Variants in DPYD observed in about 807,000 individuals in gnomAD.
DPYD encodes the protein dihydropyrimidine dehydrogenase, also known as dihydropyrimidine dehydrogenase [NADP(+)].
A neutral mutation model predicts 116.2 loss-of-function variants in DPYD; 109 were observed. The observed-to-expected ratio is 0.94, with a 90% CI of 0.80 to 1.10. The LOEUF is 1.10. Among genes scored for constraint, DPYD ranks in the 50% least tolerant of loss-of-function variants. The pLI is 0.00. For missense variants in DPYD, 1,302 were observed against 1,254.5 expected (o/e 1.04, Z -0.57); for synonymous variants, 440 against 432.0 (o/e 1.02, Z -0.23).
At chr1:97,717,273 A>G (rs967731058) in intron 5 of DPYD, among the ~76,000 whole-genome samples, 9 of 152,102 alleles carry the variant, frequency 5.9e-5, no homozygotes, top group Non-Finnish European at 1.2e-4. Flanking sequence ...ATGAGAGGTG[A>G]TAGTTTAGAA....
intron 14 of DPYD, among the ~76,000 whole-genome samples, chr1:97,421,005 G>T (rs573611664): frequency 2.0e-5 from 3 of 152,238 alleles, no homozygotes; most frequent in African/African-American, 7.2e-5. Context: ...GACAGCAGGG[G>T]TTTGTTCCTT....
chr1:97,359,673 G>T (rs1280332577), intron 16 of DPYD, among the ~76,000 whole-genome samples: 5 of 152,174 alleles, frequency 3.3e-5, no homozygotes, highest in African/African-American at 7.2e-5. Context: ...TTAAAGAAAA[G>T]AATTTTCAAC....
chr1:97,655,152 T>C (rs1658832489), intron 8 of DPYD, among the ~76,000 whole-genome samples: 1 of 152,140 alleles, frequency 6.6e-6, no homozygotes, highest in Admixed American at 6.5e-5. Flanking sequence ...CTAACTGTTG[T>C]GACCTACTTG....
intron 16 of DPYD, among the ~76,000 whole-genome samples, chr1:97,314,823 T>G (rs560059117): frequency 1.1e-4 from 17 of 151,958 alleles, no homozygotes; most frequent in African/African-American, 2.4e-5. Flanking sequence ...GTTTGAGAGG[T>G]ACCTGCCCAA....
intron 2 of DPYD, among the ~76,000 whole-genome samples, chr1:97,882,661 GT>G (rs1219789239): frequency 6.6e-6 from 1 of 151,992 alleles, no homozygotes; most frequent in East Asian, 1.9e-4. Context: ...TATGGTGTCA[GT>G]TTCAGCTCTA....
chr1:97,440,494 T>C (rs1675719105), intron 14 of DPYD, among the ~76,000 whole-genome samples: 2 of 152,146 alleles, frequency 1.3e-5, no homozygotes, highest in African/African-American at 2.4e-5. Flanking sequence ...TTTTTGGCTA[T>C]AACTCTTTGA....
At chr1:97,304,929 G>A (rs1315212931) in intron 18 of DPYD, among the ~76,000 whole-genome samples, 3 of 151,822 alleles carry the variant, frequency 2.0e-5, no homozygotes, top group Admixed American at 1.3e-4. Context: ...ATATTATAAT[G>A]AGGGTACTTA....
chr1:97,869,945 T>C (rs921426980), intron 2 of DPYD, among the ~76,000 whole-genome samples: 14 of 151,960 alleles, frequency 9.2e-5, no homozygotes, highest in African/African-American at 3.4e-4. Context: ...ATCTGTCTTC[T>C]GTCAGATTAA....
intron 4 of DPYD, among the ~76,000 whole-genome samples, chr1:97,736,197 C>A (rs1663931277): frequency 6.6e-6 from 1 of 151,850 alleles, no homozygotes; most frequent in Non-Finnish European, 1.5e-5. Flanking sequence ...GGCATATTAA[C>A]CTCAAATGAA....
In DPYD at chr1:97,311,363, A is replaced by T. The variant is rs973522379; in HGVS notation, c.2059-5066T>A. 5.3e-5 allele frequency among the ~76,000 whole-genome samples: 8 copies of T among 151,856 alleles called. No individual in the cohort carries two copies. The East Asian group carries it at 1.6e-3, about 30-fold the overall frequency. On this transcript the variant is annotated intron_variant, in intron 16 of 22. Coordinates refer to ENST00000370192, the MANE Select transcript of DPYD (RefSeq NM_000110.4). ...TACTTCGTTCAACATAGCATACTTC[A>T]TTGGATTTCATTCAAGATGAAATCC...
intron 20 of DPYD, among the ~76,000 whole-genome samples, chr1:97,110,155 C>A (rs924768707): frequency 6.6e-6 from 1 of 152,056 alleles, no homozygotes; most frequent in Non-Finnish European, 1.5e-5. Context: ...GAGGGAAGGA[C>A]CTAATAAACT....
At position 97,078,699 on chromosome 1, in the gene DPYD, C is replaced by T. The variant is rs957451651; in HGVS notation, c.*277G>A. On this transcript the variant is annotated 3_prime_UTR_variant, in exon 23 of 23. Transcript: ENST00000370192. Reference sequence around the variant, plus strand: ...TTGCCACAAAAAAGTTAATTTTTCACATAAGACAACTGGCAGTGAACATCC... The same window carrying T: ...TTGCCACAAAAAAGTTAATTTTTCATATAAGACAACTGGCAGTGAACATCC... The T allele has an allele frequency of 2.8e-5, 12 of 426,390 alleles. No individual in the cohort carries two copies. The highest frequency in any genetic ancestry group is 4.8e-5 in the Non-Finnish European group (11 of 230,906). 26.4% of individuals were successfully genotyped at this position (426,390 alleles called of 1,614,324 possible).
chr1:97,700,804 A>C (rs1661557113), intron 5 of DPYD, among the ~76,000 whole-genome samples: 2 of 152,014 alleles, frequency 1.3e-5, no homozygotes, highest in South Asian at 4.1e-4. Flanking sequence ...AGAAGAATGT[A>C]AACTTCATTA....
In DPYD at chr1:97,305,373, C is replaced by T. The variant is rs943095330; in HGVS notation, c.2185G>A (p.Ala729Thr). 1.9e-6 allele frequency: 3 copies of T among 1,612,256 alleles called. No individual in the cohort carries two copies. Among genetic ancestry groups the T allele is most frequent in the Non-Finnish European group, 2.5e-6 (3 of 1,178,778 alleles). Residue 729 changes from alanine to threonine, a missense_variant, in exon 18 of 23, where the codon GCC becomes ACC. Ala to Thr is a moderately conservative substitution (Grantham distance 58). Coordinates refer to ENST00000370192, the MANE Select transcript of DPYD (RefSeq NM_000110.4). ...GTGTTGGTGGCTGTAACGCCATTGG[C>T]ACCACCTATGCAAGACACATCAACA... is the stretch of plus-strand genomic sequence containing the variant. ...SIARAAKEGG[A>T]NGVTATNTVS...
intron 16 of DPYD, among the ~76,000 whole-genome samples, chr1:97,354,569 C>T (rs1170251647): frequency 2.0e-5 from 3 of 152,008 alleles, no homozygotes; most frequent in African/African-American, 7.3e-5. Context: ...AGAAATCAGA[C>T]ATGTGAAGCT....
intron 13 of DPYD, among the ~76,000 whole-genome samples, chr1:97,507,438 T>C (rs1647424972): frequency 6.6e-6 from 1 of 151,970 alleles, no homozygotes; most frequent in African/African-American, 2.4e-5. Flanking sequence ...CACTGGACTA[T>C]TGTTAATTTA....
chr1:97,341,387 A>C (rs1468995285), intron 16 of DPYD, among the ~76,000 whole-genome samples: 1 of 152,142 alleles, frequency 6.6e-6, no homozygotes, highest in Non-Finnish European at 1.5e-5. Flanking sequence ...TATGCACAAG[A>C]CTTGACAAGT....
At chr1:97,454,537 G>A (rs1206494367) in intron 13 of DPYD, among the ~76,000 whole-genome samples, 3 of 151,762 alleles carry the variant, frequency 2.0e-5, no homozygotes, top group Admixed American at 6.6e-5. Flanking sequence ...GTGCATTAAC[G>A]ATATTCAGAT....
chr1:97,310,109 C>T (rs1032233078), intron 16 of DPYD, among the ~76,000 whole-genome samples: 2 of 151,806 alleles, frequency 1.3e-5, no homozygotes, highest in Non-Finnish European at 2.9e-5. Flanking sequence ...GTAATTTTCA[C>T]TCTGTACAAT....
Sources: allele counts gnomAD v4.1 joint callset (sites outside exome capture counted in the v4.1 genomes callset), GRCh38; gene constraint gnomAD v4.1.1; transcripts MANE v1.5; gene names NCBI Gene and HGNC (gene_info 2026-07-23, HGNC 2026-07-21).